Variants in SKIDA1 observed in about 807,000 individuals in gnomAD.
SKIDA1 encodes the protein SKI/DACH domain-containing protein 1.
In SKIDA1, 18 loss-of-function variants were observed where a neutral mutation model predicts 51.4. That is an observed-to-expected ratio of 0.35 (90% CI 0.24 to 0.52). The LOEUF (loss-of-function observed/expected upper bound fraction) is 0.52, where lower values mean the gene tolerates loss of function less well. SKIDA1 is among the 20% of genes least tolerant of loss of function. The pLI is 0.95. For missense variants in SKIDA1, 1,104 were observed against 1,180.6 expected (o/e 0.94, Z 0.95); for synonymous variants, 579 against 500.5 (o/e 1.16, Z -2.09).
At position 21,518,023 on chromosome 10, in the gene SKIDA1, T is replaced by G. The variant is rs1167750202; in HGVS notation, c.-201A>C. On this transcript the variant is annotated 5_prime_UTR_variant, in exon 4 of 4. Transcript: ENST00000449193. ...TTGGGGGGGGGGAAACCCCATGAAA[T>G]TACACTGACTTGATTCTTGCTTTTT... 5 of 550,360 alleles carry G rather than the reference T, an allele frequency of 9.1e-6. No individual in the cohort carries two copies. Among genetic ancestry groups the G allele is most frequent in the Non-Finnish European group, 1.6e-5 (5 of 312,918 alleles). 34.1% of individuals were successfully genotyped at this position (550,360 alleles called of 1,614,324 possible). A position where few individuals can be genotyped will look rare whatever the true frequency, so the allele number is the denominator to read the frequency against.
Position 21,514,753 on chromosome 10 carries a change from A to G in SKIDA1, c.*343T>C, listed in dbSNP as rs2032143317. The stretch of plus-strand genomic sequence containing the variant: ...AATATTTATTATTCAACCTTTTGAC[A>G]TTTATTTGTAGCAGTTGAATTGAGG... On this transcript the variant is annotated 3_prime_UTR_variant, in exon 4 of 4. Coordinates refer to ENST00000449193, the MANE Select transcript of SKIDA1 (RefSeq NM_207371.4). 5.4e-6 allele frequency: 1 copy of G among 186,190 alleles called. No homozygotes were observed. Among genetic ancestry groups the G allele is most frequent in the Admixed American group, 5.6e-5 (1 of 17,844 alleles). The allele number at this position is 186,190 out of a possible 1,614,324, so 11.5% of individuals were successfully genotyped here.
chr10:21,517,550 G>C lies in SKIDA1; in HGVS notation c.273C>G (p.Leu91=), dbSNP rs925214236. ...CGCGCTCGGTTTTGCAGGAGGTGTAGAGCGCTTCCACGTCTTCCCGGGAGA... is the reference window on the plus strand; with the variant it reads ...CGCGCTCGGTTTTGCAGGAGGTGTACAGCGCTTCCACGTCTTCCCGGGAGA... ...TLISREDVEA[L]YTSCKTERVL... Residue 91 remains leucine (L), a synonymous_variant, in exon 4 of 4, where the codon CTC becomes CTG. Coordinates refer to ENST00000449193, the MANE Select transcript of SKIDA1 (RefSeq NM_207371.4). The surrounding 1 kb of genome is among the most constrained non-coding windows in gnomAD (Gnocchi z 6.9). The C allele has an allele frequency of 6.2e-7, 1 of 1,603,186 alleles. No individual in the cohort carries two copies. Among genetic ancestry groups the C allele is most frequent in the Admixed American group, 1.7e-5 (1 of 57,612 alleles).
chr10:21,514,223 A>AG lies in SKIDA1; in HGVS notation c.*872_*873insC, dbSNP rs1426110951. ...CAGCGAGACTCTCTCCAAAAAAAAA[A>AG]AAAAAAAAAAAAAGAAATATTTCAA... On this transcript the variant is annotated 3_prime_UTR_variant, in exon 4 of 4. Transcript: ENST00000449193. 1 of 149,012 alleles carries AG rather than the reference A, an allele frequency of 6.7e-6. No homozygotes were observed. Among genetic ancestry groups the AG allele is most frequent in the African/African-American group, 2.4e-5 (1 of 40,990 alleles). 9.2% of individuals were successfully genotyped at this position (149,012 alleles called of 1,614,324 possible).
chr10:21,517,043 G>A lies in SKIDA1; in HGVS notation c.780C>T (p.Gly260=), dbSNP rs765156285. The change falls in exon 4 of 4, where the codon GGC becomes GGT. Residue 260 remains glycine, a synonymous_variant. Transcript: ENST00000449193. This position sits in a 1 kb window ranked among gnomAD's most constrained non-coding sequence, Gnocchi z 6.9. ...AGCTCAGGCTCCCCGGGCCTCCGGCGCCCGCCGCTGCCTTGGGCTGGGGCC... is the reference window on the plus strand; with the variant it reads ...AGCTCAGGCTCCCCGGGCCTCCGGCACCCGCCGCTGCCTTGGGCTGGGGCC... ...AAGPQPKAAA[G]AGGPGSLSYR... The A allele has an allele frequency of 2.4e-4, 261 of 1,071,074 alleles. 1 individual carries two copies. The highest frequency in any genetic ancestry group is 6.5e-4 in the Admixed American group (12 of 18,472). 66.3% of individuals were successfully genotyped at this position (1,071,074 alleles called of 1,614,324 possible). A position where few individuals can be genotyped will look rare whatever the true frequency, so the allele number is the denominator to read the frequency against.
Position 21,516,488 on chromosome 10 carries a change from GTCC to G in SKIDA1, c.1332_1334del (p.Glu444del), listed in dbSNP as rs1157659642. 6.2e-7 allele frequency: 1 copy of G among 1,607,340 alleles called. No individual in the cohort carries two copies. The stretch of plus-strand genomic sequence containing the variant: ...AGCTGGAGTCCGACTCGGTGGACGA[GTCC>G]TCCTCCTCCGAGCTGACTTCACTGG... On this transcript the variant is annotated inframe_deletion, in exon 4 of 4. Transcript: ENST00000449193. This position sits in a 1 kb window ranked among gnomAD's most constrained non-coding sequence, Gnocchi z 5.7.
Position 21,515,942 on chromosome 10 carries a change from T to C in SKIDA1, c.1881A>G (p.Gly627=). Residue 627 remains glycine (G), a synonymous_variant, in exon 4 of 4, where the codon GGA becomes GGG. Coordinates refer to ENST00000449193, the MANE Select transcript of SKIDA1 (RefSeq NM_207371.4). ...AATATTTTTCTGAATTTGCTTCTGC[T>C]CCTGAAGAATCATTATTTAAGAACC... ...AARFLNNDSS[G]AEANSEKYSK... 1 of 1,614,022 alleles carries C rather than the reference T, an allele frequency of 6.2e-7. No individual in the cohort carries two copies. The highest frequency in any genetic ancestry group is 8.5e-7 in the Non-Finnish European group (1 of 1,179,890).
chr10:21,522,324 A>G (rs1195497602), intron 2 of SKIDA1, among the ~76,000 whole-genome samples: 3 of 111,598 alleles, frequency 2.7e-5, no homozygotes, highest in Non-Finnish European at 5.0e-5. Flanking sequence ...CGTTTGTTTT[A>G]GTGATTGCTG....
chr10:21,523,947 C>A (rs1462096070), intron 1 of SKIDA1, 76 bp from the exon 2 acceptor site: 1 of 151,290 alleles, frequency 6.6e-6, no homozygotes, highest in Non-Finnish European at 1.5e-5. Context: ...AGTATCATTT[C>A]ATATTCATGA....
In SKIDA1 at chr10:21,517,399, G is replaced by C. The variant is rs2131272876; in HGVS notation, c.424C>G (p.Leu142Val). Reference protein sequence around the residue: ...WKDKHQLWRGLSGAARPLPIS... With the variant: ...WKDKHQLWRGVSGAARPLPIS... Reference sequence around the variant, plus strand: ...GGCAGGGGCCGCGCGGCTCCGCTCAGGCCCCGCCAAAGTTGGTGCTTGTCC... The same window carrying C: ...GGCAGGGGCCGCGCGGCTCCGCTCACGCCCCGCCAAAGTTGGTGCTTGTCC... The change falls in exon 4 of 4, where the codon CTG becomes GTG. Residue 142 changes from leucine to valine, a missense_variant. Leu to Val is a conservative substitution (Grantham distance 32, BLOSUM62 1). Around this residue, in one of 3 missense-constraint regions of SKIDA1, gnomAD observed 938 missense variants for 886.4 expected, o/e 1.06. Transcript: ENST00000449193. The surrounding 1 kb of genome is among the most constrained non-coding windows in gnomAD (Gnocchi z 6.9). The C allele has an allele frequency of 6.9e-7, 1 of 1,459,664 alleles. No homozygotes were observed. Among genetic ancestry groups the C allele is most frequent in the Non-Finnish European group, 9.0e-7 (1 of 1,113,498 alleles). The allele number at this position is 1,459,664 out of a possible 1,614,324, so 90.4% of individuals were successfully genotyped here. A position where few individuals can be genotyped will look rare whatever the true frequency, so the allele number is the denominator to read the frequency against.
chr10:21,520,839 A>G (rs1319393672), intron 3 of SKIDA1, among the ~76,000 whole-genome samples: 1 of 152,114 alleles, frequency 6.6e-6, no homozygotes, highest in Non-Finnish European at 1.5e-5. Flanking sequence ...TGGGTGAAAT[A>G]GAGAAAAATA....
rs780666220 is a variant in SKIDA1 at position 21,515,639 on chromosome 10, GTCC to G, written c.2181_2183del (p.Glu727del). 6.2e-7 allele frequency: 1 copy of G among 1,613,988 alleles called. No individual in the cohort carries two copies. The highest frequency in any genetic ancestry group is 2.2e-5 in the East Asian group (1 of 44,878). On this transcript the variant is annotated inframe_deletion, in exon 4 of 4. Transcript: ENST00000449193. ...CTTCCTTGGCTGTGGTTAACAAGGCGTCCTCCTCTTTACTCTCAGTCACACTGT... is the reference window on the plus strand; with the variant it reads ...CTTCCTTGGCTGTGGTTAACAAGGCGTCCTCTTTACTCTCAGTCACACTGT...
At position 21,516,013 on chromosome 10, in the gene SKIDA1, T is replaced by C. The variant is rs1172856477; in HGVS notation, c.1810A>G (p.Thr604Ala). 2.5e-6 allele frequency: 4 copies of C among 1,614,040 alleles called. No individual in the cohort carries two copies. ...TCTGCACAGTGTGTAGTAGGAGTTG[T>C]TTGTAGGCATTTCCTAGCCTCTCGG... ...ILREARKCLQTTPTTHCADNN... is the reference protein window; with the variant it reads ...ILREARKCLQATPTTHCADNN... The change falls in exon 4 of 4, where the codon ACA (threonine) becomes GCA (alanine). Residue 604 changes from threonine (T) to alanine (A), a missense_variant. Thr to Ala is a moderately conservative substitution (Grantham distance 58). Coordinates refer to ENST00000449193, the MANE Select transcript of SKIDA1 (RefSeq NM_207371.4). The surrounding 1 kb of genome is among the most constrained non-coding windows in gnomAD (Gnocchi z 5.7).
rs1286717700 is a variant in SKIDA1 at position 21,516,520 on chromosome 10, C to A, written c.1303G>T (p.Asp435Tyr). 6.3e-7 allele frequency: 1 copy of A among 1,579,572 alleles called. No homozygotes were observed. ...EEEEGGSGAS[D>Y]SSEVSSEEED... ...TCCTCCGAGCTGACTTCACTGGAAT[C>A]CGAGGCCCCGCTGCCCCCCTCCTCC... The change falls in exon 4 of 4, where the codon GAT (aspartate) becomes TAT (tyrosine). Residue 435 changes from aspartate to tyrosine, a missense_variant. Asp to Tyr is a radical substitution (Grantham distance 160, BLOSUM62 -3). This residue lies in a region of SKIDA1 where 938 missense variants were observed against 886.4 expected (regional missense o/e 1.06). Transcript: ENST00000449193. The surrounding 1 kb of genome is among the most constrained non-coding windows in gnomAD (Gnocchi z 5.7).
Position 21,516,825 on chromosome 10 carries a change from C to G in SKIDA1, c.998G>C (p.Cys333Ser). The change falls in exon 4 of 4, where the codon TGC (cysteine) becomes TCC (serine). Residue 333 changes from cysteine to serine, a missense_variant. Around this residue, in one of 3 missense-constraint regions of SKIDA1, gnomAD observed 938 missense variants for 886.4 expected, o/e 1.06. Coordinates refer to ENST00000449193, the MANE Select transcript of SKIDA1 (RefSeq NM_207371.4). The surrounding 1 kb of genome is among the most constrained non-coding windows in gnomAD (Gnocchi z 5.7). ...GTGGTGGTGGTGGTGCGGAGGCGGG[C>G]AGAAGCCGTTGACCAGATGAAACCT... is the stretch of plus-strand genomic sequence containing the variant. ...LERFHLVNGF[C>S]PPPHHHHHHH... The G allele has an allele frequency of 1.3e-6, 2 of 1,541,610 alleles. No homozygotes were observed. The highest frequency in any genetic ancestry group is 1.7e-6 in the Non-Finnish European group (2 of 1,145,280).
chr10:21,517,201 G>T lies in SKIDA1; in HGVS notation c.622C>A (p.Pro208Thr), dbSNP rs1304431227. 6 of 1,448,848 alleles carry T rather than the reference G, an allele frequency of 4.1e-6. No homozygotes were observed. The highest frequency in any genetic ancestry group is 6.2e-5 in the East Asian group (2 of 32,094). 89.7% of individuals were successfully genotyped at this position (1,448,848 alleles called of 1,614,324 possible). A position where few individuals can be genotyped will look rare whatever the true frequency, so the allele number is the denominator to read the frequency against. ...CTCCGAAAATAAGCAGGGTCCGAGG[G>T]GAAGGCGACGTAGTTTCCCTGGAGC... is the stretch of plus-strand genomic sequence containing the variant. The part of the protein sequence containing the change: ...APLQGNYVAF[P>T]SDPAYFRSLL... The change falls in exon 4 of 4, where the codon CCC becomes ACC. Residue 208 changes from proline (P) to threonine (T), a missense_variant. Coordinates refer to ENST00000449193, the MANE Select transcript of SKIDA1 (RefSeq NM_207371.4). The surrounding 1 kb of genome is among the most constrained non-coding windows in gnomAD (Gnocchi z 6.9).
chr10:21,517,178 C>T lies in SKIDA1; in HGVS notation c.645G>A (p.Arg215=), dbSNP rs1431328432. 4 of 1,423,384 alleles carry T rather than the reference C, an allele frequency of 2.8e-6. No homozygotes were observed. Among genetic ancestry groups the T allele is most frequent in the Non-Finnish European group, 2.8e-6 (3 of 1,080,984 alleles). The allele number at this position is 1,423,384 out of a possible 1,614,324, so 88.2% of individuals were successfully genotyped here. Residue 215 remains arginine (R), a synonymous_variant, in exon 4 of 4, where the codon CGG becomes CGA. Coordinates refer to ENST00000449193, the MANE Select transcript of SKIDA1 (RefSeq NM_207371.4). The surrounding 1 kb of genome is among the most constrained non-coding windows in gnomAD (Gnocchi z 6.9). ...VAFPSDPAYF[R]SLLCSKHPAA... ...CCGGGTGTTTGCTGCACAGCAGGCT[C>T]CGAAAATAAGCAGGGTCCGAGGGGA...
In SKIDA1 at chr10:21,516,031, C is replaced by T. The variant is rs770880448; in HGVS notation, c.1792G>A (p.Ala598Thr). Residue 598 changes from alanine (A) to threonine (T), a missense_variant, in exon 4 of 4, where the codon GCT (alanine) becomes ACT (threonine). Coordinates refer to ENST00000449193, the MANE Select transcript of SKIDA1 (RefSeq NM_207371.4). The surrounding 1 kb of genome is among the most constrained non-coding windows in gnomAD (Gnocchi z 5.7). ...GGAGTTGTTTGTAGGCATTTCCTAGCCTCTCGGAGTATTCTTTGTTGTGGA... is the reference window on the plus strand; with the variant it reads ...GGAGTTGTTTGTAGGCATTTCCTAGTCTCTCGGAGTATTCTTTGTTGTGGA... ...AFPQQRILRE[A>T]RKCLQTTPTT... is the part of the protein sequence containing the mutation. 1 of 1,614,046 alleles carries T rather than the reference C, an allele frequency of 6.2e-7. No individual in the cohort carries two copies.
chr10:21,517,324 C>T lies in SKIDA1; in HGVS notation c.499G>A (p.Ala167Thr). The change falls in exon 4 of 4, where the codon GCC (alanine) becomes ACC (threonine). Residue 167 changes from alanine (A) to threonine (T), a missense_variant. Coordinates refer to ENST00000449193, the MANE Select transcript of SKIDA1 (RefSeq NM_207371.4). The surrounding 1 kb of genome is among the most constrained non-coding windows in gnomAD (Gnocchi z 6.9). ...TTGCTAAAAATCTGAGGTAGATGGG[C>T]GGCGGGGCGCGCGGCGGCGGCGCCC... ...RPGAAAARPA[A>T]HLPQIFSKYP... 4 of 1,431,808 alleles carry T rather than the reference C, an allele frequency of 2.8e-6. No individual in the cohort carries two copies. Among genetic ancestry groups the T allele is most frequent in the Admixed American group, 3.0e-5 (1 of 33,360 alleles). 88.7% of individuals were successfully genotyped at this position (1,431,808 alleles called of 1,614,324 possible). A position where few individuals can be genotyped will look rare whatever the true frequency, so the allele number is the denominator to read the frequency against.
chr10:21,516,219 G>A lies in SKIDA1; in HGVS notation c.1604C>T (p.Pro535Leu), dbSNP rs759914084. 42 of 1,613,884 alleles carry A rather than the reference G, an allele frequency of 2.6e-5. No homozygotes were observed. The highest frequency in any genetic ancestry group is 6.7e-5 in the Admixed American group (4 of 60,008). The change falls in exon 4 of 4, where the codon CCG becomes CTG. Residue 535 changes from proline to leucine, a missense_variant. This residue lies in a region of SKIDA1 where 938 missense variants were observed against 886.4 expected (regional missense o/e 1.06). Transcript: ENST00000449193. The surrounding 1 kb of genome is among the most constrained non-coding windows in gnomAD (Gnocchi z 5.7). ...AGCGAAACAACTCCCCAGGCTGGCC[G>A]GGCAGTACACCGGAGATGCTTTGGG... ...WAPKASPVYCPASLGSCFAEI... is the reference protein window; with the variant it reads ...WAPKASPVYCLASLGSCFAEI...
Sources: allele counts gnomAD v4.1 joint callset (sites outside exome capture counted in the v4.1 genomes callset), GRCh38; gene constraint gnomAD v4.1.1; regional missense constraint gnomAD v4.1.1; non-coding constraint Gnocchi (gnomAD v3.1); transcripts MANE v1.5; gene names NCBI Gene and HGNC (gene_info 2026-07-23, HGNC 2026-07-21).